Variants in UBE2N observed in about 807,000 individuals in gnomAD.
UBE2N encodes ubiquitin-conjugating enzyme E2 N.
For missense variants in UBE2N, 60 were observed against 192.1 expected (o/e 0.31, Z 4.07); for synonymous variants, 70 against 69.2 (o/e 1.01, Z -0.06).
chr12:93,414,620 G>A (rs1486952754), intron 1 of UBE2N, among the ~76,000 whole-genome samples: 1 of 151,844 alleles, frequency 6.6e-6, no homozygotes, highest in African/African-American at 2.4e-5. Context: ...GTTCTTCAAC[G>A]TGCCAGGCAT....
intron 1 of UBE2N, among the ~76,000 whole-genome samples, chr12:93,440,603 C>T (rs1483003): frequency 0.55 from 83,418 of 152,016 alleles, 23,134 homozygotes; most frequent in African/African-American, 0.62. Flanking sequence ...CATCTCCCCA[C>T]AGATTTCACA....
At position 93,416,179 on chromosome 12, in the gene UBE2N, A is replaced by AG. The variant is rs1232395669; in HGVS notation, c.31-4881dup. Among the ~76,000 whole-genome samples the AG allele has an allele frequency of 3.9e-4, 59 of 152,334 alleles. 1 individual carries two copies. Among genetic ancestry groups the AG allele is most frequent in the Admixed American group, 2.9e-3 (44 of 15,306 alleles). On this transcript the variant is annotated intron_variant, in intron 1 of 3. Coordinates refer to ENST00000318066, the MANE Select transcript of UBE2N (RefSeq NM_003348.4). ...ACAAACCCACAGCATAAACTGTGGGAGGGGAAAAAAGGAATAAAATCCAAA... is the reference window on the plus strand; with the variant it reads ...ACAAACCCACAGCATAAACTGTGGGAGGGGGAAAAAAGGAATAAAATCCAAA...
At chr12:93,431,072 C>T (rs991858776) in intron 1 of UBE2N, among the ~76,000 whole-genome samples, 4 of 151,844 alleles carry the variant, frequency 2.6e-5, no homozygotes, top group East Asian at 3.9e-4. Flanking sequence ...ACTAAAAATA[C>T]AAAAATTAGC....
chr12:93,425,423 A>G (rs1878551352), intron 1 of UBE2N, among the ~76,000 whole-genome samples: 1 of 152,216 alleles, frequency 6.6e-6, no homozygotes, highest in Middle Eastern at 3.2e-3. Context: ...TACAGTAGGA[A>G]TGAACCTTCT....
rs571133883 is a variant in UBE2N, at chr12:93,431,451, A to G, written c.30+10404T>C. ...GTTCAAATCATAGCTCTAGAAACTA[A>G]TAAGTCCCTCTGTGCAGGTTCCCAT... On this transcript the variant is annotated intron_variant, in intron 1 of 3. Coordinates refer to ENST00000318066, the MANE Select transcript of UBE2N (RefSeq NM_003348.4). 1.4e-4 allele frequency among the ~76,000 whole-genome samples: 21 copies of G among 152,346 alleles called. No homozygotes were observed. The South Asian group carries it at 3.7e-3, about 27-fold the overall frequency.
At chr12:93,419,121 C>T (rs1040699621) in intron 1 of UBE2N, among the ~76,000 whole-genome samples, 20 of 152,152 alleles carry the variant, frequency 1.3e-4, no homozygotes, top group African/African-American at 4.8e-4. Flanking sequence ...AATGTCAGGC[C>T]GGGCGTGGTG....
At chr12:93,414,098 T>G (rs1356525790) in intron 1 of UBE2N, among the ~76,000 whole-genome samples, 2 of 150,058 alleles carry the variant, frequency 1.3e-5, no homozygotes, top group African/African-American at 4.9e-5. Context: ...GAGGCGGAGG[T>G]TGCAGTGAGC....
At chr12:93,434,381 TCA>T (rs1300471030) in intron 1 of UBE2N, among the ~76,000 whole-genome samples, 1 of 152,208 alleles carries the variant, frequency 6.6e-6, no homozygotes, top group African/African-American at 2.4e-5. Flanking sequence ...ACATTTCCAG[TCA>T]CAGTCATTTA....
chr12:93,427,581 G>A (rs1878633324), intron 1 of UBE2N, among the ~76,000 whole-genome samples: 1 of 152,214 alleles, frequency 6.6e-6, no homozygotes, highest in Non-Finnish European at 1.5e-5. Flanking sequence ...CAGATAAATG[G>A]TTGCCAGGGG....
In UBE2N at chr12:93,441,835, A is replaced by T. The variant is rs1879126107; in HGVS notation, c.30+20T>A. The T allele has an allele frequency of 6.3e-7, 1 of 1,579,456 alleles. No individual in the cohort carries two copies. The highest frequency in any genetic ancestry group is 1.4e-5 in the African/African-American group (1 of 71,060). On this transcript the variant is annotated intron_variant, in intron 1 of 3. Coordinates refer to ENST00000318066, the MANE Select transcript of UBE2N (RefSeq NM_003348.4). ...CGACGAGAGCAGAGCGAAGAGCTGG[A>T]GGCCGGCCTGGGCGGTTACCTTGAT...
At position 93,410,972 on chromosome 12, in the gene UBE2N, G is replaced by A. The variant is rs752940589; in HGVS notation, c.277+81C>T. ...CAGACCTCTCTGATCTTTGTATAAT[G>A]TTTACATTCTAAACATGGAATGCTT... On this transcript the variant is annotated intron_variant, in intron 2 of 3. Transcript: ENST00000318066. The A allele has an allele frequency of 1.2e-5, 20 of 1,613,456 alleles. No homozygotes were observed. In the South Asian group the frequency reaches 2.1e-4, roughly 17 times the overall value.
At chr12:93,434,449 A>G (rs903006996) in intron 1 of UBE2N, among the ~76,000 whole-genome samples, 13 of 152,264 alleles carry the variant, frequency 8.5e-5, no homozygotes, top group African/African-American at 2.4e-5. Flanking sequence ...TCACTTGTGC[A>G]GGAGTTGATC....
At chr12:93,421,305 C>T (rs928570740) in intron 1 of UBE2N, among the ~76,000 whole-genome samples, 10 of 152,018 alleles carry the variant, frequency 6.6e-5, no homozygotes, top group Non-Finnish European at 1.3e-4. Flanking sequence ...GGGTTCACAC[C>T]ATTCTCCTGC....
chr12:93,431,132 C>T (rs1460619190), intron 1 of UBE2N, among the ~76,000 whole-genome samples: 1 of 152,092 alleles, frequency 6.6e-6, no homozygotes, highest in East Asian at 1.9e-4. Flanking sequence ...AAGGCTGAGG[C>T]AGGAGAATCG....
chr12:93,435,987 G>C (rs1018856677), intron 1 of UBE2N, among the ~76,000 whole-genome samples: 1 of 152,182 alleles, frequency 6.6e-6, no homozygotes, highest in Non-Finnish European at 1.5e-5. Flanking sequence ...TTCTGCGAAA[G>C]ACTGGTAAAA....
At chr12:93,431,442 T>C (rs1878771394) in intron 1 of UBE2N, among the ~76,000 whole-genome samples, 1 of 152,194 alleles carries the variant, frequency 6.6e-6, no homozygotes, top group Non-Finnish European at 1.5e-5. Flanking sequence ...ATCATAGCTC[T>C]AGAAACTAAT....
At position 93,406,670 on chromosome 12, in the gene UBE2N, G is replaced by GT. The variant is rs1220315055; in HGVS notation, c.*3368dup. The GT allele has an allele frequency of 2.0e-5, 3 of 152,296 alleles. No individual in the cohort carries two copies. The highest frequency in any genetic ancestry group is 3.4e-3 in the Middle Eastern group (1 of 294). The allele number at this position is 152,296 out of a possible 1,614,324, so 9.4% of individuals were successfully genotyped here. Reference sequence around the variant, plus strand: ...TTGTCATTATTCCTTAAACAATAGTGTAACTATTTACATAGCACTTACATT... The same window carrying GT: ...TTGTCATTATTCCTTAAACAATAGTGTTAACTATTTACATAGCACTTACATT... On this transcript the variant is annotated 3_prime_UTR_variant, in exon 4 of 4. Coordinates refer to ENST00000318066, the MANE Select transcript of UBE2N (RefSeq NM_003348.4).
intron 1 of UBE2N, among the ~76,000 whole-genome samples, chr12:93,420,530 C>T (rs900963649): frequency 2.6e-5 from 4 of 152,170 alleles, no homozygotes; most frequent in African/African-American, 9.7e-5. Context: ...CGCACAATAA[C>T]TGCTGGTTTA....
chr12:93,438,897 G>A, intron 1 of UBE2N, among the ~76,000 whole-genome samples: 1 of 152,178 alleles, frequency 6.6e-6, no homozygotes, highest in East Asian at 1.9e-4. Context: ...TCATTTTACA[G>A]TAACAAGAGA....
Sources: allele counts gnomAD v4.1 joint callset (sites outside exome capture counted in the v4.1 genomes callset), GRCh38; gene constraint gnomAD v4.1.1; transcripts MANE v1.5; gene names NCBI Gene and HGNC (gene_info 2026-07-23, HGNC 2026-07-21).